Variants in ALX4 observed in about 807,000 individuals in gnomAD.
The protein encoded by ALX4 is ALX homeobox 4, also known as homeobox protein aristaless-like 4.
A neutral mutation model predicts 40.6 loss-of-function variants in ALX4; 22 were observed. The ratio of observed to expected loss-of-function variants is 0.54; its 90% CI spans 0.39 to 0.77. ALX4 has a LOEUF of 0.77. ALX4 is among the 30% of genes least tolerant of loss of function. The probability of loss-of-function intolerance (pLI) is 0.00; values close to 1 mark genes in which losing one functional copy is unlikely to be tolerated. For missense variants in ALX4, 556 were observed against 564.8 expected (o/e 0.98, Z 0.16); for synonymous variants, 266 against 240.5 (o/e 1.11, Z -0.98).
In ALX4 at chr11:44,309,715, C is replaced by G; in HGVS notation, c.348G>C (p.Pro116=). ...QPQQQQPQPQ[P]PAQPHLYLQR... Reference sequence around the variant, plus strand: ...GCAAGTAAAGATGCGGTTGCGCGGGCGGCTGGGGCTGCGGCTGCTGCTGCT... The same window carrying G: ...GCAAGTAAAGATGCGGTTGCGCGGGGGGCTGGGGCTGCGGCTGCTGCTGCT... Residue 116 remains proline, a synonymous_variant, in exon 1 of 4, where the codon CCG becomes CCC. Coordinates refer to ENST00000652299, the MANE Select transcript of ALX4 (RefSeq NM_021926.4). 6.4e-7 allele frequency: 1 copy of G among 1,573,102 alleles called. No individual in the cohort carries two copies. Among genetic ancestry groups the G allele is most frequent in the Non-Finnish European group, 8.6e-7 (1 of 1,161,482 alleles).
chr11:44,296,933 C>T (rs372871190), intron 1 of ALX4, among the ~76,000 whole-genome samples: 55 of 149,668 alleles, frequency 3.7e-4, no homozygotes, highest in African/African-American at 1.0e-3. Flanking sequence ...CGCTTGAACC[C>T]GGGAGGTGGA....
chr11:44,279,847 C>T (rs892664434), intron 1 of ALX4, among the ~76,000 whole-genome samples: 2 of 152,226 alleles, frequency 1.3e-5, no homozygotes, highest in Non-Finnish European at 2.9e-5. Flanking sequence ...GACCTCATGC[C>T]GTTTGTCCCT....
intron 1 of ALX4, among the ~76,000 whole-genome samples, chr11:44,297,468 A>G (rs938218254): frequency 6.6e-6 from 1 of 152,090 alleles, no homozygotes; most frequent in African/African-American, 2.4e-5. Flanking sequence ...TTGTAATCCC[A>G]GCAATTTGGG....
At chr11:44,279,985 T>C (rs185648397) in intron 1 of ALX4, among the ~76,000 whole-genome samples, 5 of 152,328 alleles carry the variant, frequency 3.3e-5, no homozygotes, top group Admixed American at 3.3e-4. Flanking sequence ...GGTATCTGTG[T>C]GCACCTTTGG....
At chr11:44,278,110 G>T (rs1956288380) in intron 1 of ALX4, among the ~76,000 whole-genome samples, 1 of 151,692 alleles carries the variant, frequency 6.6e-6, no homozygotes, top group Admixed American at 6.6e-5. Context: ...TGAGGGAGGT[G>T]AGCACTGAGC....
chr11:44,288,970 T>C (rs984455486), intron 1 of ALX4, among the ~76,000 whole-genome samples: 12 of 152,264 alleles, frequency 7.9e-5, no homozygotes, highest in African/African-American at 2.6e-4. Flanking sequence ...GAATTTGTCT[T>C]TCCTGTTCTC....
At position 44,264,932 on chromosome 11, in the gene ALX4, C is replaced by T. The variant is rs372442372; in HGVS notation, c.1158G>A (p.Pro386=). The T allele has an allele frequency of 3.7e-5, 60 of 1,613,026 alleles. No homozygotes were observed. The highest frequency in any genetic ancestry group is 1.9e-4 in the African/African-American group (14 of 75,064). ...GLNGYELNGE[P]DRKTSSIAAL... is the part of the protein sequence containing the mutation. Reference sequence around the variant, plus strand: ...CCGCGATGCTCGAGGTCTTGCGGTCCGGCTCGCCGTTGAGCTCGTAGCCAT... The same window carrying T: ...CCGCGATGCTCGAGGTCTTGCGGTCTGGCTCGCCGTTGAGCTCGTAGCCAT... Residue 386 remains proline, a synonymous_variant, in exon 4 of 4, where the codon CCG becomes CCA. Transcript: ENST00000652299.
At chr11:44,272,663 G>T (rs1330115843) in intron 2 of ALX4, among the ~76,000 whole-genome samples, 1 of 151,808 alleles carries the variant, frequency 6.6e-6, no homozygotes, top group Non-Finnish European at 1.5e-5. Flanking sequence ...AAAAAAATTA[G>T]CTGGGTGTAG....
At chr11:44,267,761 T>TGAA in intron 2 of ALX4, 139 bp from the exon 3 acceptor site, 1 of 1,185,338 alleles carries the variant, frequency 8.4e-7, no homozygotes, top group South Asian at 1.2e-5. Context: ...CACATAAATA[T>TGAA]CAACCTTGGT....
At chr11:44,300,212 C>G (rs1355109911) in intron 1 of ALX4, among the ~76,000 whole-genome samples, 6 of 152,028 alleles carry the variant, frequency 3.9e-5, no homozygotes, top group African/African-American at 7.2e-5. Flanking sequence ...AGGGCCAATT[C>G]ACCCCTCTTG....
rs546810144 is a variant in ALX4, at chr11:44,260,972, C to G, written c.*3882G>C. 2.0e-5 allele frequency: 3 copies of G among 152,234 alleles called. No homozygotes were observed. Among genetic ancestry groups the G allele is most frequent in the East Asian group, 3.9e-4 (2 of 5,174 alleles). 9.4% of individuals were successfully genotyped at this position (152,234 alleles called of 1,614,324 possible). A position where few individuals can be genotyped will look rare whatever the true frequency, so the allele number is the denominator to read the frequency against. ...AAATCAGTAGTATAAAGGCCTAGCT[C>G]TATGTGTGTGAGTGAAGAGGGAAGA... On this transcript the variant is annotated 3_prime_UTR_variant, in exon 4 of 4. Coordinates refer to ENST00000652299, the MANE Select transcript of ALX4 (RefSeq NM_021926.4).
Position 44,264,812 on chromosome 11 carries a change from G to A in ALX4, c.*42C>T, listed in dbSNP as rs1435282208. The stretch of plus-strand genomic sequence containing the variant: ...TGGGGGCCTGGAAAACATGGGCGTG[G>A]CCCATGGTGTCCCGAGGTGGGGACG... On this transcript the variant is annotated 3_prime_UTR_variant, in exon 4 of 4. Coordinates refer to ENST00000652299, the MANE Select transcript of ALX4 (RefSeq NM_021926.4). 1.2e-6 allele frequency: 2 copies of A among 1,603,318 alleles called. No individual in the cohort carries two copies. Among genetic ancestry groups the A allele is most frequent in the Admixed American group, 3.3e-5 (2 of 59,788 alleles).
intron 1 of ALX4, among the ~76,000 whole-genome samples, chr11:44,284,715 C>T (rs1956328578): frequency 6.6e-6 from 1 of 152,064 alleles, no homozygotes; most frequent in African/African-American, 2.4e-5. Flanking sequence ...TTCAGGCTTC[C>T]GCACTCCTGC....
At chr11:44,296,996 T>G (rs1956406139) in intron 1 of ALX4, among the ~76,000 whole-genome samples, 1 of 105,966 alleles carries the variant, frequency 9.4e-6, no homozygotes, top group South Asian at 3.0e-4. Context: ...GCAACAAGAG[T>G]GAAACTCTGT....
At position 44,265,020 on chromosome 11, in the gene ALX4, C is replaced by T; in HGVS notation, c.1070G>A (p.Ser357Asn). The change falls in exon 4 of 4, where the codon AGT becomes AAT. Residue 357 changes from serine to asparagine, a missense_variant. Physicochemically the swap from Ser to Asn is conservative, Grantham distance 46. Coordinates refer to ENST00000652299, the MANE Select transcript of ALX4 (RefSeq NM_021926.4). The stretch of plus-strand genomic sequence containing the variant: ...GCCCATGTGCGTCTGGCCCACGTGA[C>T]TGCCAGCCCCAGACACACTCAGGAA... The part of the protein sequence containing the change: ...TDFLSVSGAG[S>N]HVGQTHMGSL... 6.2e-7 allele frequency: 1 copy of T among 1,613,094 alleles called. No homozygotes were observed. The highest frequency in any genetic ancestry group is 1.7e-5 in the Admixed American group (1 of 60,032).
rs1202355476 is a variant in ALX4 at position 44,263,406 on chromosome 11, G to C, written c.*1448C>G. On this transcript the variant is annotated 3_prime_UTR_variant, in exon 4 of 4. Transcript: ENST00000652299. ...CAGGGGTCGGGCAGGCAGGCACAGAGCCCCGCTTCCTGGAGGCAGGAAGCC... is the reference window on the plus strand; with the variant it reads ...CAGGGGTCGGGCAGGCAGGCACAGACCCCCGCTTCCTGGAGGCAGGAAGCC... 1 of 152,296 alleles carries C rather than the reference G, an allele frequency of 6.6e-6. No individual in the cohort carries two copies. Among genetic ancestry groups the C allele is most frequent in the East Asian group, 1.9e-4 (1 of 5,186 alleles). The allele number at this position is 152,296 out of a possible 1,614,324, so 9.4% of individuals were successfully genotyped here.
At chr11:44,285,917 T>G (rs1433149447) in intron 1 of ALX4, among the ~76,000 whole-genome samples, 1 of 152,178 alleles carries the variant, frequency 6.6e-6, no homozygotes, top group Non-Finnish European at 1.5e-5. Context: ...TGCTGGGGCC[T>G]GGGCCTCGTG....
chr11:44,298,332 C>T (rs1956415558), intron 1 of ALX4, among the ~76,000 whole-genome samples: 1 of 152,108 alleles, frequency 6.6e-6, no homozygotes, highest in Admixed American at 6.5e-5. Flanking sequence ...TGGGAAGAGC[C>T]CAGGCCTTGG....
chr11:44,279,495 G>A (rs1226164514), intron 1 of ALX4, among the ~76,000 whole-genome samples: 1 of 152,216 alleles, frequency 6.6e-6, no homozygotes, highest in Non-Finnish European at 1.5e-5. Flanking sequence ...CATGGTAGCT[G>A]AAGGCCTGGG....
Sources: gnomAD v4.1 joint callset for allele counts (sites outside exome capture counted in the v4.1 genomes callset) on GRCh38, gnomAD v4.1.1 for gene constraint, MANE v1.5 for transcripts, NCBI Gene and HGNC (gene_info 2026-07-23, HGNC 2026-07-21) for gene names.